PLA2G4E: variants seen among roughly 807,000 people sequenced by gnomAD.
The protein encoded by PLA2G4E is cytosolic phospholipase A2 epsilon.
A neutral mutation model predicts 109.1 loss-of-function variants in PLA2G4E; 84 were observed. The observed-to-expected ratio is 0.77, with a 90% CI of 0.65 to 0.92. The LOEUF (loss-of-function observed/expected upper bound fraction) is 0.92, where lower values mean the gene tolerates loss of function less well. PLA2G4E is among the 40% of genes least tolerant of loss of function. The probability of loss-of-function intolerance (pLI) is 0.00; values close to 1 mark genes in which losing one functional copy is unlikely to be tolerated. For synonymous variants in PLA2G4E, 469 were observed against 436.1 expected (o/e 1.08, Z -0.94); for missense variants, 1,057 against 1,076.6 (o/e 0.98, Z 0.25).
At chr15:42,029,760 G>A (rs1889081160) in intron 1 of PLA2G4E, among the ~76,000 whole-genome samples, 1 of 152,178 alleles carries the variant, frequency 6.6e-6, no homozygotes, top group Admixed American at 6.5e-5. Flanking sequence ...TCTACCTCAT[G>A]GGATGGTTGT....
chr15:41,995,154 G>A (rs1032214245), intron 12 of PLA2G4E, among the ~76,000 whole-genome samples: 1 of 152,266 alleles, frequency 6.6e-6, no homozygotes, highest in Non-Finnish European at 1.5e-5. Context: ...CAGAGCTACT[G>A]TTATCCGCAC....
chr15:41,990,333 C>G, intron 13 of PLA2G4E, 98 bp from the exon 14 acceptor site: 1 of 1,081,864 alleles, frequency 9.2e-7, no homozygotes, highest in Non-Finnish European at 1.4e-6. Context: ...CAGCCACTTC[C>G]TGGCTCCTGA....
chr15:42,014,222 G>T (rs1054926781), intron 1 of PLA2G4E, among the ~76,000 whole-genome samples: 1 of 152,110 alleles, frequency 6.6e-6, no homozygotes, highest in African/African-American at 2.4e-5. Flanking sequence ...GTTTGCTGGG[G>T]TTTCTGTCTG....
At chr15:41,997,405 T>G in intron 10 of PLA2G4E, 146 bp from the exon 11 acceptor site, 1 of 881,730 alleles carries the variant, frequency 1.1e-6, no homozygotes, top group Non-Finnish European at 1.6e-6. Context: ...TTCCCATCTG[T>G]AAAGTGGGGC....
At chr15:42,000,657 C>G (rs567636393) in intron 7 of PLA2G4E, among the ~76,000 whole-genome samples, 88 of 152,332 alleles carry the variant, frequency 5.8e-4, no homozygotes, top group African/African-American at 1.9e-3. Flanking sequence ...CTCCCTCCCT[C>G]CCTCATGTCT....
At position 42,002,287 on chromosome 15, in the gene PLA2G4E, A is replaced by AAT. The variant is rs1555386330; in HGVS notation, c.609+366_609+367insAT. On this transcript the variant is annotated intron_variant, in intron 6 of 19. Transcript: ENST00000399518. ...CTCAAAAAAAAAAAAAAAAAAAAAAAGGTAAACTGTGCTTGTAGAATTACT... is the reference window on the plus strand; with the variant it reads ...CTCAAAAAAAAAAAAAAAAAAAAAAAATGGTAAACTGTGCTTGTAGAATTACT... 8.9e-4 allele frequency among the ~76,000 whole-genome samples: 125 copies of AAT among 140,864 alleles called. 2 individuals carry two copies. The highest frequency in any genetic ancestry group is 3.4e-3 in the African/African-American group (121 of 35,706). The allele number at this position is 140,864 out of a possible 152,430, so 92.4% of individuals were successfully genotyped here. A position where few individuals can be genotyped will look rare whatever the true frequency, so the allele number is the denominator to read the frequency against.
chr15:41,997,020 C>T, intron 11 of PLA2G4E, 104 bp downstream of exon 11: 1 of 1,380,066 alleles, frequency 7.2e-7, no homozygotes, highest in South Asian at 1.6e-5. Context: ...TAAAAGCATC[C>T]ATGGAGGTGG....
At chr15:42,000,810 G>A (rs77648678) in intron 7 of PLA2G4E, among the ~76,000 whole-genome samples, 4,069 of 152,286 alleles carry the variant, frequency 0.027, 92 homozygotes, top group Middle Eastern at 0.044. Context: ...GGCATAGTTA[G>A]AGGGGTCCTG....
chr15:42,008,458 A>G lies in PLA2G4E; in HGVS notation c.257-593T>C, dbSNP rs530682659. 5.6e-4 allele frequency among the ~76,000 whole-genome samples: 86 copies of G among 152,294 alleles called. No individual in the cohort carries two copies. The South Asian group carries it at 8.9e-3, about 16-fold the overall frequency. The stretch of plus-strand genomic sequence containing the variant: ...CACTGCATCCAGCCAGGCTCTTCTT[A>G]CCTATCCTGATCTGCAGCATCAGGT... On this transcript the variant is annotated intron_variant, in intron 2 of 19. Transcript: ENST00000399518.
rs762017694 is a variant in PLA2G4E at position 42,007,825 on chromosome 15, G to A, written c.297C>T (p.Thr99=). The change falls in exon 3 of 20, where the codon ACC becomes ACT. Residue 99 remains threonine (T), a synonymous_variant. Transcript: ENST00000399518. ...TTGTCCTCAGCTTCTTCTGAGAGGC[G>A]GTGGGCAGCCAGAGGCTCACAAAAC... 1.6e-5 allele frequency: 26 copies of A among 1,609,250 alleles called. No homozygotes were observed. In the South Asian group the frequency reaches 1.7e-4, roughly 10 times the overall value.
chr15:41,982,799 A>G (rs2068082063), exon 20 of PLA2G4E: 1 of 152,264 alleles, frequency 6.6e-6, no homozygotes, highest in African/African-American at 2.4e-5. Flanking sequence ...CTGTCTGGTC[A>G]TGATGACATG....
chr15:42,048,341 T>G (rs1889449619), intron 1 of PLA2G4E, among the ~76,000 whole-genome samples: 1 of 152,242 alleles, frequency 6.6e-6, no homozygotes, highest in Non-Finnish European at 1.5e-5. Context: ...CATGTCCCTG[T>G]TGTTAAGCAA....
chr15:42,007,829 G>T (rs1471945413), exon 3 of PLA2G4E: 1 of 1,608,268 alleles, frequency 6.2e-7, no homozygotes, highest in African/African-American at 1.3e-5. Context: ...AGAGGCGGTG[G>T]GCAGCCAGAG....
chr15:42,042,440 A>G (rs957872752), intron 1 of PLA2G4E, among the ~76,000 whole-genome samples: 2 of 152,198 alleles, frequency 1.3e-5, no homozygotes, highest in African/African-American at 4.8e-5. Flanking sequence ...ATTATTTATA[A>G]TCAGAAGAAC....
At chr15:42,028,955 T>C (rs1254513835) in intron 1 of PLA2G4E, among the ~76,000 whole-genome samples, 1 of 152,202 alleles carries the variant, frequency 6.6e-6, no homozygotes, top group East Asian at 1.9e-4. Flanking sequence ...TAACAAAGTA[T>C]AAACATTACA....
intron 1 of PLA2G4E, among the ~76,000 whole-genome samples, chr15:42,020,168 C>T (rs1008189756): frequency 2.5e-4 from 38 of 152,226 alleles, no homozygotes; most frequent in African/African-American, 8.7e-4. Context: ...TCATCTCCCC[C>T]ACCAAGGGGC....
intron 1 of PLA2G4E, among the ~76,000 whole-genome samples, chr15:42,048,668 C>G (rs1889457894): frequency 6.6e-6 from 1 of 152,196 alleles, no homozygotes; most frequent in Admixed American, 6.5e-5. Context: ...ATTGCTCCAA[C>G]TTCATATGCC....
intron 10 of PLA2G4E, chr15:41,997,892 G>A (rs560792988): frequency 1.3e-5 from 2 of 151,568 alleles, no homozygotes; most frequent in African/African-American, 4.9e-5. Context: ...CACAATGCTT[G>A]TCCTCTTTTT....
intron 10 of PLA2G4E, 50 bp from the exon 11 acceptor site, chr15:41,997,309 G>A: frequency 1.3e-6 from 2 of 1,482,774 alleles, no homozygotes; most frequent in Non-Finnish European, 1.8e-6. Context: ...TACCTCCCTG[G>A]AGTAGACACA....
Sources: gnomAD v4.1 joint callset for allele counts (sites outside exome capture counted in the v4.1 genomes callset) on GRCh38, gnomAD v4.1.1 for gene constraint, MANE v1.5 for transcripts, NCBI Gene and HGNC (gene_info 2026-07-23, HGNC 2026-07-21) for gene names.